Variants in NUBP2 observed in about 807,000 individuals in gnomAD.
NUBP2 encodes NUBP iron-sulfur cluster assembly factor 2, cytosolic.
In NUBP2, 23 loss-of-function variants were observed where a neutral mutation model predicts 24.9. The observed-to-expected ratio is 0.92, with a 90% CI of 0.66 to 1.31. NUBP2 has a LOEUF of 1.31. Ranked by LOEUF, NUBP2 falls within the 50% of genes most tolerant of loss-of-function variation. The pLI is 0.00. For missense variants in NUBP2, 403 were observed against 386.5 expected (o/e 1.04, Z -0.36); for synonymous variants, 186 against 170.9 (o/e 1.09, Z -0.69).
In NUBP2 at chr16:1,787,949, C is replaced by T. The variant is rs141170715; in HGVS notation, c.498C>T (p.Ser166=). The change falls in exon 5 of 7, where the codon TCC becomes TCT. Residue 166 remains serine, a synonymous_variant. Coordinates refer to ENST00000262302, the MANE Select transcript of NUBP2 (RefSeq NM_012225.4). ...ALVVTTPQAV[S]VGDVRRELTF... ...CGGCTCCTGCCCCGCAGGCGGTGTCCGTGGGGGACGTGAGGCGCGAGCTGA... is the reference window on the plus strand; with the variant it reads ...CGGCTCCTGCCCCGCAGGCGGTGTCTGTGGGGGACGTGAGGCGCGAGCTGA... 1.1e-4 allele frequency: 181 copies of T among 1,604,038 alleles called. No homozygotes were observed. The highest frequency in any genetic ancestry group is 1.4e-4 in the Non-Finnish European group (165 of 1,176,884).
At chr16:1,786,102 GGCCCTCTGCTGCCTCTGCCGA>G in intron 1 of NUBP2, 1 of 708,896 alleles carries the variant, frequency 1.4e-6, no homozygotes, top group Non-Finnish European at 1.9e-6. Flanking sequence ...ACCCACCCTG[GGCCCTCTGCTGCCTCTGCCGA>G]GCCCAGGTGC....
In NUBP2 at chr16:1,786,121, C is replaced by T. The variant is rs977051546; in HGVS notation, c.17-416C>T. The T allele has an allele frequency of 1.4e-4, 70 of 509,964 alleles. 3 individuals carry two copies. Among genetic ancestry groups the T allele is most frequent in the South Asian group, 1.3e-3 (58 of 44,268 alleles). 31.6% of individuals were successfully genotyped at this position (509,964 alleles called of 1,614,324 possible). A position where few individuals can be genotyped will look rare whatever the true frequency, so the allele number is the denominator to read the frequency against. On this transcript the variant is annotated intron_variant, in intron 1 of 6. Coordinates refer to ENST00000262302, the MANE Select transcript of NUBP2 (RefSeq NM_012225.4). ...ACCCTGGGCCCTCTGCTGCCTCTGC[C>T]GAGCCCAGGTGCACTGGCTGGGGAA...
At chr16:1,786,202 T>C (rs571941061) in intron 1 of NUBP2, 19 of 371,836 alleles carry the variant, frequency 5.1e-5, no homozygotes, top group African/African-American at 3.7e-4. Flanking sequence ...TTCATGATCA[T>C]GTGACCCACG....
At chr16:1,786,726 C>A (rs778153679) in intron 2 of NUBP2, 31 bp from the exon 3 acceptor site, 22 of 1,609,472 alleles carry the variant, frequency 1.4e-5, no homozygotes, top group Non-Finnish European at 1.8e-5. Flanking sequence ...CCTGGCGGTG[C>A]CCCCGGCCTA....
rs532071186 is a variant in NUBP2 at position 1,786,968 on chromosome 16, C to T, written c.334+13C>T. The T allele has an allele frequency of 1.7e-5, 26 of 1,507,696 alleles. No homozygotes were observed. The highest frequency in any genetic ancestry group is 9.7e-5 in the African/African-American group (7 of 71,874). 93.4% of individuals were successfully genotyped at this position (1,507,696 alleles called of 1,614,324 possible). ...CCCAAGAAAAACGGTAACGGCCGGG[C>T]GGCGCGTCCGCCGTCCTGGTGAAGG... On this transcript the variant is annotated intron_variant, in intron 3 of 6. Transcript: ENST00000262302.
chr16:1,786,574 G>C lies in NUBP2; in HGVS notation c.54G>C (p.Leu18=), dbSNP rs1193275404. The C allele has an allele frequency of 6.2e-7, 1 of 1,611,004 alleles. No homozygotes were observed. The highest frequency in any genetic ancestry group is 8.5e-7 in the Non-Finnish European group (1 of 1,178,602). ...TGGCCGGCGTCAGGCACATCATCCT[G>C]GTCCTCTCAGGAAAGGGGGGCGTTG... The part of the protein sequence containing the change: ...GNLAGVRHII[L]VLSGKGGVGK... Residue 18 remains leucine, a synonymous_variant, in exon 2 of 7, where the codon CTG becomes CTC. Coordinates refer to ENST00000262302, the MANE Select transcript of NUBP2 (RefSeq NM_012225.4).
In NUBP2 at chr16:1,787,794, A is replaced by G; in HGVS notation, c.452A>G (p.Tyr151Cys). The change falls in exon 4 of 7, where the codon TAC (tyrosine) becomes TGC (cysteine). Residue 151 changes from tyrosine to cysteine, a missense_variant. Coordinates refer to ENST00000262302, the MANE Select transcript of NUBP2 (RefSeq NM_012225.4). ...HMATIEALRP[Y>C]QPLGALVVTT... Reference sequence around the variant, plus strand: ...GCCACCATAGAAGCCCTGCGTCCCTACCAGCCCCTGGGGGCCCTCGTGGTC... The same window carrying G: ...GCCACCATAGAAGCCCTGCGTCCCTGCCAGCCCCTGGGGGCCCTCGTGGTC... 1 of 1,612,004 alleles carries G rather than the reference A, an allele frequency of 6.2e-7. No homozygotes were observed. The highest frequency in any genetic ancestry group is 1.1e-5 in the South Asian group (1 of 91,080).
chr16:1,785,861 C>T (rs890627237), intron 1 of NUBP2: 1 of 1,289,070 alleles, frequency 7.8e-7, no homozygotes, highest in Non-Finnish European at 1.0e-6. Context: ...GATGGAGCAG[C>T]TTGCTGGAGA....
At position 1,788,939 on chromosome 16, in the gene NUBP2, C is replaced by T. The variant is rs772949305; in HGVS notation, c.*225C>T. On this transcript the variant is annotated 3_prime_UTR_variant, in exon 7 of 7. Coordinates refer to ENST00000262302, the MANE Select transcript of NUBP2 (RefSeq NM_012225.4). ...GTCTGCGTGCTCTGCAGCTGTGAGACGGGGGCGGCCTGGGCTCTCTTCCCA... is the reference window on the plus strand; with the variant it reads ...GTCTGCGTGCTCTGCAGCTGTGAGATGGGGGCGGCCTGGGCTCTCTTCCCA... 2.1e-4 allele frequency: 115 copies of T among 546,932 alleles called. No individual in the cohort carries two copies. The highest frequency in any genetic ancestry group is 3.9e-4 in the Admixed American group (11 of 28,136). 33.9% of individuals were successfully genotyped at this position (546,932 alleles called of 1,614,324 possible).
chr16:1,787,293 C>T (rs1475957175), intron 3 of NUBP2: 2 of 410,100 alleles, frequency 4.9e-6, no homozygotes, highest in Non-Finnish European at 8.8e-6. Context: ...CCCCCAAAGG[C>T]AGGGAGAGGC....
chr16:1,787,744 C>T lies in NUBP2; in HGVS notation c.402C>T (p.Pro134=). Residue 134 remains proline, a synonymous_variant, in exon 4 of 7, where the codon CCC becomes CCT. Coordinates refer to ENST00000262302, the MANE Select transcript of NUBP2 (RefSeq NM_012225.4). ...GELDYLVVDT[P]PGTSDEHMAT... ...TGGACTACCTGGTGGTGGACACGCCCCCGGGGACCTCCGATGAGCACATGG... is the reference window on the plus strand; with the variant it reads ...TGGACTACCTGGTGGTGGACACGCCTCCGGGGACCTCCGATGAGCACATGG... 6 of 1,612,516 alleles carry T rather than the reference C, an allele frequency of 3.7e-6. No homozygotes were observed. In the East Asian group the frequency reaches 1.3e-4, roughly 36 times the overall value.
chr16:1,783,103 CG>C, intron 1 of NUBP2, 67 bp downstream of exon 1: 1 of 1,222,826 alleles, frequency 8.2e-7, no homozygotes, highest in Non-Finnish European at 1.0e-6. Context: ...CGTCCCTTCC[CG>C]GGGCGGCCTC....
intron 1 of NUBP2, chr16:1,783,463 T>G (rs1378558749): frequency 2.0e-6 from 2 of 996,518 alleles, no homozygotes; most frequent in Non-Finnish European, 2.4e-6. Flanking sequence ...CTCACATGCT[T>G]TTAAGTTCTT....
Position 1,788,734 on chromosome 16 carries a change from GCTTT to G in NUBP2, c.*22_*25del, listed in dbSNP as rs766953847. 6.3e-7 allele frequency: 1 copy of G among 1,598,932 alleles called. No individual in the cohort carries two copies. The highest frequency in any genetic ancestry group is 1.7e-5 in the Admixed American group (1 of 59,214). On this transcript the variant is annotated 3_prime_UTR_variant, in exon 7 of 7. Coordinates refer to ENST00000262302, the MANE Select transcript of NUBP2 (RefSeq NM_012225.4). The stretch of plus-strand genomic sequence containing the variant: ...CCCTGACTAAGGCCACCTTGCAGCC[GCTTT>G]CCAGGGCCACCAAGGGCTCTGCTCC...
At position 1,787,028 on chromosome 16, in the gene NUBP2, T is replaced by C. The variant is rs948598602; in HGVS notation, c.334+73T>C. 2.9e-6 allele frequency: 4 copies of C among 1,370,900 alleles called. No homozygotes were observed. The African/African-American group carries it at 5.8e-5, about 20-fold the overall frequency. The allele number at this position is 1,370,900 out of a possible 1,614,324, so 84.9% of individuals were successfully genotyped here. A position where few individuals can be genotyped will look rare whatever the true frequency, so the allele number is the denominator to read the frequency against. On this transcript the variant is annotated intron_variant, in intron 3 of 6. Coordinates refer to ENST00000262302, the MANE Select transcript of NUBP2 (RefSeq NM_012225.4). The stretch of plus-strand genomic sequence containing the variant: ...TCCGTGCCGGCCTCTCCTGTGGAAA[T>C]GTTCCTCTTCAGCAGCCAGGCCTGT...
At position 1,787,982 on chromosome 16, in the gene NUBP2, T is replaced by G; in HGVS notation, c.531T>G (p.Cys177Trp). 1 of 1,604,980 alleles carries G rather than the reference T, an allele frequency of 6.2e-7. No individual in the cohort carries two copies. Among genetic ancestry groups the G allele is most frequent in the Non-Finnish European group, 8.5e-7 (1 of 1,177,278 alleles). ...ACGTGAGGCGCGAGCTGACCTTCTG[T>G]AGGAAGACGGGCTTGCGGGTGATGG... ...VGDVRRELTF[C>W]RKTGLRVMGI... is the part of the protein sequence containing the mutation. The change falls in exon 5 of 7, where the codon TGT becomes TGG. Residue 177 changes from cysteine (C) to tryptophan (W), a missense_variant. Cys to Trp is a radical substitution (Grantham distance 215). Transcript: ENST00000262302.
Position 1,787,950 on chromosome 16 carries a change from G to T in NUBP2, c.499G>T (p.Val167Leu), listed in dbSNP as rs146956965. 6.2e-7 allele frequency: 1 copy of T among 1,604,544 alleles called. No individual in the cohort carries two copies. Among genetic ancestry groups the T allele is most frequent in the Non-Finnish European group, 8.5e-7 (1 of 1,177,102 alleles). The part of the protein sequence containing the change: ...LVVTTPQAVS[V>L]GDVRRELTFC... ...GGCTCCTGCCCCGCAGGCGGTGTCCGTGGGGGACGTGAGGCGCGAGCTGAC... is the reference window on the plus strand; with the variant it reads ...GGCTCCTGCCCCGCAGGCGGTGTCCTTGGGGGACGTGAGGCGCGAGCTGAC... The change falls in exon 5 of 7, where the codon GTG becomes TTG. Residue 167 changes from valine to leucine, a missense_variant. Val to Leu is a conservative substitution (Grantham distance 32). Transcript: ENST00000262302.
Position 1,788,939 on chromosome 16 carries a change from CG to C in NUBP2, c.*230del. On this transcript the variant is annotated 3_prime_UTR_variant, in exon 7 of 7. Coordinates refer to ENST00000262302, the MANE Select transcript of NUBP2 (RefSeq NM_012225.4). ...GTCTGCGTGCTCTGCAGCTGTGAGA[CG>C]GGGGCGGCCTGGGCTCTCTTCCCAT... 1 of 547,052 alleles carries C rather than the reference CG, an allele frequency of 1.8e-6. No individual in the cohort carries two copies. The highest frequency in any genetic ancestry group is 3.1e-6 in the Non-Finnish European group (1 of 320,490). The allele number at this position is 547,052 out of a possible 1,614,324, so 33.9% of individuals were successfully genotyped here.
rs764466178 is a variant in NUBP2 at position 1,788,203 on chromosome 16, C to T, written c.666C>T (p.Phe222=). Residue 222 remains phenylalanine, a synonymous_variant, in exon 6 of 7, where the codon TTC becomes TTT. Coordinates refer to ENST00000262302, the MANE Select transcript of NUBP2 (RefSeq NM_012225.4). The part of the protein sequence containing the change: ...EELAQLAGVP[F]LGSVPLDPAL... ...TGGCCCAGCTCGCCGGGGTGCCCTT[C>T]TTAGGTGAGTGTCCCAAGCTGGTGC... 7 of 1,488,422 alleles carry T rather than the reference C, an allele frequency of 4.7e-6. No homozygotes were observed. The South Asian group carries it at 9.5e-5, about 20-fold the overall frequency. The allele number at this position is 1,488,422 out of a possible 1,614,324, so 92.2% of individuals were successfully genotyped here.
Sources: gnomAD v4.1 joint callset for allele counts on GRCh38, gnomAD v4.1.1 for gene constraint, MANE v1.5 for transcripts, NCBI Gene and HGNC (gene_info 2026-07-23, HGNC 2026-07-21) for gene names.